The following PDE4A variants were observed in gnomAD, a reference collection of about 807,000 sequenced individuals.
The protein encoded by PDE4A is 3',5'-cyclic-AMP phosphodiesterase 4A.
Under a neutral mutation model 73.9 loss-of-function variants are expected in PDE4A, and 21 were observed. The ratio of observed to expected loss-of-function variants is 0.28; its 90% CI spans 0.20 to 0.41. PDE4A has a LOEUF of 0.41. PDE4A is among the 10% of genes least tolerant of loss of function. The pLI is 1.00. For synonymous variants in PDE4A, 463 were observed against 505.4 expected, an observed-to-expected ratio of 0.92 and a Z score of 1.13; for missense variants, 958 against 1,211.4, an observed-to-expected ratio of 0.79 and a Z score of 3.10.
intron 6 of PDE4A, among the ~76,000 whole-genome samples, chr19:10,452,555 T>C (rs2043108237): frequency 6.6e-6 from 1 of 151,922 alleles, no homozygotes; most frequent in African/African-American, 2.4e-5. Context: ...AGGCATTTGC[T>C]ATATGCTCAG....
Position 10,467,429 on chromosome 19 carries a change from T to C in PDE4A, c.2469T>C (p.Ala823=), listed in dbSNP as rs1295694774. ...ALALQSPLLP[A]WRTLSVSEHA... is the part of the protein sequence containing the mutation. ...CTCTTCAAAGCCCCCTTCTCCCTGCTTGGAGGACCCTGTCTGTTTCAGAGC... is the reference window on the plus strand; with the variant it reads ...CTCTTCAAAGCCCCCTTCTCCCTGCCTGGAGGACCCTGTCTGTTTCAGAGC... Residue 823 remains alanine (A), a synonymous_variant, in exon 15 of 15, where the codon GCT becomes GCC. Transcript: ENST00000380702. The C allele has an allele frequency of 6.2e-7, 1 of 1,613,722 alleles. No homozygotes were observed. The highest frequency in any genetic ancestry group is 8.5e-7 in the Non-Finnish European group (1 of 1,179,850).
At chr19:10,419,163 G>A (rs1055111139), upstream of PDE4A, 1 of 895,866 alleles carries the variant, frequency 1.1e-6, no homozygotes, top group Non-Finnish European at 1.3e-6. Flanking sequence ...GGGCGCACGG[G>A]GGCAGGGGTC....
At position 10,458,079 on chromosome 19, in the gene PDE4A, G is replaced by T. The variant is rs748065727; in HGVS notation, c.1078G>T (p.Asp360Tyr). The change falls in exon 8 of 15, where the codon GAT becomes TAT. Residue 360 changes from aspartate (D) to tyrosine (Y), a missense_variant. By Grantham distance (160) the Asp-to-Tyr change is radical. Transcript: ENST00000380702. The surrounding 1 kb of genome is among the most constrained non-coding windows in gnomAD (Gnocchi z 4.6). ...CATTCCCCGATTTGGGGTGAAGACC[G>T]ATCAAGAAGAGCTCCTGGCCCAAGT... ...SNIPRFGVKT[D>Y]QEELLAQELE... 1.2e-6 allele frequency: 2 copies of T among 1,613,750 alleles called. No individual in the cohort carries two copies. Among genetic ancestry groups the T allele is most frequent in the East Asian group, 4.5e-5 (2 of 44,886 alleles).
rs1305219876 is a variant in PDE4A at position 10,420,544 on chromosome 19, C to T, written c.-221C>T. On this transcript the variant is annotated 5_prime_UTR_variant, in exon 1 of 15. Coordinates refer to ENST00000380702, the MANE Select transcript of PDE4A (RefSeq NM_001111307.2). This position sits in a 1 kb window ranked among gnomAD's most constrained non-coding sequence, Gnocchi z 6.0. ...GCGGAGCGCGGAGCGCGGAGAGCGC[C>T]GCCGGGCACTGAGCAGAGCTCCAGG... 2 of 1,158,608 alleles carry T rather than the reference C, an allele frequency of 1.7e-6. No individual in the cohort carries two copies. Among genetic ancestry groups the T allele is most frequent in the East Asian group, 3.7e-5 (1 of 26,884 alleles). 71.8% of individuals were successfully genotyped at this position (1,158,608 alleles called of 1,614,324 possible). A position where few individuals can be genotyped will look rare whatever the true frequency, so the allele number is the denominator to read the frequency against.
chr19:10,448,224 C>T (rs2043040141), intron 2 of PDE4A, among the ~76,000 whole-genome samples: 1 of 151,704 alleles, frequency 6.6e-6, no homozygotes, highest in African/African-American at 2.4e-5. Flanking sequence ...CTCAGCCTCC[C>T]AAGTAGCTGA....
chr19:10,418,249 G>A (rs2145434106), upstream of PDE4A, among the ~76,000 whole-genome samples: 1 of 152,300 alleles, frequency 6.6e-6, no homozygotes, highest in South Asian at 2.1e-4. Context: ...AGTCTTGGAA[G>A]GGGTCTGGAC....
chr19:10,432,428 G>A, intron 1 of PDE4A: 4 of 1,429,654 alleles, frequency 2.8e-6, no homozygotes, highest in Non-Finnish European at 3.7e-6. Context: ...GACGGCGCTT[G>A]GCTCCCATGC....
chr19:10,432,745 T>G (rs2042812775), intron 1 of PDE4A, among the ~76,000 whole-genome samples: 1 of 152,108 alleles, frequency 6.6e-6, no homozygotes, highest in African/African-American at 2.4e-5. Context: ...GCTGAGGGCT[T>G]CTTGAAGGTG....
chr19:10,424,192 C>T lies in PDE4A; in HGVS notation c.320+3108C>T, dbSNP rs2145447464. On this transcript the variant is annotated intron_variant, in intron 1 of 14. Transcript: ENST00000380702. The surrounding 1 kb of genome is among the most constrained non-coding windows in gnomAD (Gnocchi z 4.8). ...GAGTCACGGCACAGCCACGATCTGT[C>T]AAGAGGCAGATGGAGAGGGAGGAAG... Among the ~76,000 whole-genome samples, 1 of 152,330 alleles carries T rather than the reference C, an allele frequency of 6.6e-6. No individual in the cohort carries two copies. Among genetic ancestry groups the T allele is most frequent in the South Asian group, 2.1e-4 (1 of 4,824 alleles).
In PDE4A at chr19:10,467,803, G is replaced by C. The variant is rs1416522905; in HGVS notation, c.*182G>C. The C allele has an allele frequency of 2.2e-6, 1 of 446,150 alleles. No individual in the cohort carries two copies. Among genetic ancestry groups the C allele is most frequent in the Non-Finnish European group, 3.8e-6 (1 of 260,758 alleles). 27.6% of individuals were successfully genotyped at this position (446,150 alleles called of 1,614,324 possible). A position where few individuals can be genotyped will look rare whatever the true frequency, so the allele number is the denominator to read the frequency against. On this transcript the variant is annotated 3_prime_UTR_variant, in exon 15 of 15. Coordinates refer to ENST00000380702, the MANE Select transcript of PDE4A (RefSeq NM_001111307.2). ...CTTTCCCCCTGCCCCCACCCACGGG[G>C]CCTTTTTTTGGAGGTGGGGGCTGGG...
At chr19:10,462,119 CCTT>C (rs1568384371) in intron 13 of PDE4A, 120 bp downstream of exon 13, 4 of 768,112 alleles carry the variant, frequency 5.2e-6, no homozygotes, top group East Asian at 2.6e-5. Flanking sequence ...CTTCCTGTGT[CCTT>C]CTTTCTTTTT....
intron 1 of PDE4A, among the ~76,000 whole-genome samples, chr19:10,437,002 C>A (rs1400149250): frequency 6.6e-6 from 1 of 152,138 alleles, no homozygotes; most frequent in Non-Finnish European, 1.5e-5. Context: ...CACATCACTA[C>A]ACTCCAGCCT....
At chr19:10,464,966 C>T (rs949157791) in intron 14 of PDE4A, among the ~76,000 whole-genome samples, 1 of 152,096 alleles carries the variant, frequency 6.6e-6, no homozygotes, top group Non-Finnish European at 1.5e-5. Flanking sequence ...GTCTGCCTCC[C>T]TCAGCCTCCC....
chr19:10,463,921 C>T lies in PDE4A; in HGVS notation c.1872C>T (p.Gly624=), dbSNP rs2043321314. 6.2e-7 allele frequency: 1 copy of T among 1,613,946 alleles called. No individual in the cohort carries two copies. ...FQQGDRERER[G]MEISPMCDKH... is the part of the protein sequence containing the mutation. ...AGGGTGACCGAGAGCGCGAGCGTGG[C>T]ATGGAAATCAGCCCCATGTGTGACA... The change falls in exon 14 of 15, where the codon GGC becomes GGT. Residue 624 remains glycine, a synonymous_variant. Transcript: ENST00000380702.
In PDE4A at chr19:10,467,835, G is replaced by A. The variant is rs199858803; in HGVS notation, c.*214G>A. ...TTTGGAGGTGGGGGCTGGGGAATGA[G>A]GGGCTGAGGTCCCGGAAGGGATTTT... is the stretch of plus-strand genomic sequence containing the variant. On this transcript the variant is annotated 3_prime_UTR_variant, in exon 15 of 15. Coordinates refer to ENST00000380702, the MANE Select transcript of PDE4A (RefSeq NM_001111307.2). 12 of 405,382 alleles carry A rather than the reference G, an allele frequency of 3.0e-5. No individual in the cohort carries two copies. Among genetic ancestry groups the A allele is most frequent in the Non-Finnish European group, 4.8e-5 (11 of 230,496 alleles). 25.1% of individuals were successfully genotyped at this position (405,382 alleles called of 1,614,324 possible).
intron 1 of PDE4A, among the ~76,000 whole-genome samples, chr19:10,444,348 A>T (rs1030061095): frequency 1.3e-5 from 2 of 151,708 alleles, no homozygotes; most frequent in African/African-American, 4.8e-5. Flanking sequence ...AAAATACAAA[A>T]TTTGCCAGGC....
At chr19:10,459,173 G>C (rs888094193) in intron 8 of PDE4A, 1 of 679,302 alleles carries the variant, frequency 1.5e-6, no homozygotes. Context: ...AGTGCTTAGA[G>C]CAATACTTGG....
chr19:10,468,891 A>G lies in PDE4A; in HGVS notation c.*1270A>G, dbSNP rs1028280404. 1 of 152,796 alleles carries G rather than the reference A, an allele frequency of 6.5e-6. No homozygotes were observed. The highest frequency in any genetic ancestry group is 1.5e-5 in the Non-Finnish European group (1 of 68,176). The allele number at this position is 152,796 out of a possible 1,614,324, so 9.5% of individuals were successfully genotyped here. On this transcript the variant is annotated 3_prime_UTR_variant, in exon 15 of 15. Transcript: ENST00000380702. ...AAGCCATGGGGGACTGTTTGGAAGG[A>G]AAGCCCCCTCTCTCCCTCCTCCCCT...
rs1217017897 is a variant in PDE4A, at chr19:10,420,853, C to G, written c.89C>G (p.Pro30Arg). 1 of 1,590,212 alleles carries G rather than the reference C, an allele frequency of 6.3e-7. No individual in the cohort carries two copies. The highest frequency in any genetic ancestry group is 1.4e-5 in the African/African-American group (1 of 73,612). The stretch of plus-strand genomic sequence containing the variant: ...GGCCAGGCCACCCTGAAGCCTCCCC[C>G]GCAGCACCTGTGGCGGCAGCCTCGG... Reference protein sequence around the residue: ...REGQATLKPPPQHLWRQPRTP... With the variant: ...REGQATLKPPRQHLWRQPRTP... Residue 30 changes from proline (P) to arginine (R), a missense_variant, in exon 1 of 15, where the codon CCG (proline) becomes CGG (arginine). By Grantham distance (103) the Pro-to-Arg change is moderately radical. Around this residue, in one of 3 missense-constraint regions of PDE4A, gnomAD observed 145 missense variants for 137.8 expected, o/e 1.05. Transcript: ENST00000380702. This position sits in a 1 kb window ranked among gnomAD's most constrained non-coding sequence, Gnocchi z 6.0.
Sources: allele counts gnomAD v4.1 joint callset (sites outside exome capture counted in the v4.1 genomes callset), GRCh38; gene constraint gnomAD v4.1.1; regional missense constraint gnomAD v4.1.1; non-coding constraint Gnocchi (gnomAD v3.1); transcripts MANE v1.5; gene names NCBI Gene and HGNC (gene_info 2026-07-23, HGNC 2026-07-21).